The following ARHGAP23 variants were observed in gnomAD, a reference collection of about 807,000 sequenced individuals.
The protein encoded by ARHGAP23 is rho GTPase-activating protein 23.
In ARHGAP23, 34 loss-of-function variants were observed where a neutral mutation model predicts 136.3. That is an observed-to-expected ratio of 0.25 (90% CI 0.19 to 0.33). The LOEUF (loss-of-function observed/expected upper bound fraction) is 0.33. Among genes scored for constraint, ARHGAP23 ranks in the 10% least tolerant of loss-of-function variants. ARHGAP23 has a pLI of 1.00. For synonymous variants in ARHGAP23, 832 were observed against 920.5 expected (o/e 0.90, Z 1.74); for missense variants, 1,808 against 2,139.0 (o/e 0.85, Z 3.05).
At chr17:38,461,547 G>T (rs1009159488) in intron 3 of ARHGAP23, among the ~76,000 whole-genome samples, 6 of 152,226 alleles carry the variant, frequency 3.9e-5, no homozygotes, top group African/African-American at 1.4e-4. Context: ...GGACACTCCT[G>T]CATCCCCATC....
In ARHGAP23 at chr17:38,482,096, G is replaced by A; in HGVS notation, c.2704G>A (p.Ala902Thr). Residue 902 changes from alanine to threonine, a missense_variant, in exon 15 of 24, where the codon GCG (alanine) becomes ACG (threonine). Transcript: ENST00000622683. ...IKKNKKAAPR[A>T]FGVRLEECQP... ...GAAAAATAAGAAGGCCGCTCCGAGGGCGTTTGGGGTCAGGCTGGAGGAGTG... is the reference window on the plus strand; with the variant it reads ...GAAAAATAAGAAGGCCGCTCCGAGGACGTTTGGGGTCAGGCTGGAGGAGTG... The A allele has an allele frequency of 6.5e-7, 1 of 1,550,334 alleles. No homozygotes were observed.
chr17:38,482,573 G>T lies in ARHGAP23; in HGVS notation c.2802G>T (p.Gly934=). ...GCTGTCGCATTGTGGAGGCACGAGG[G>T]CTGGAGTCCACAGGCATTTACCGAG... ...AACCRIVEAR[G]LESTGIYRVP... Residue 934 remains glycine (G), a synonymous_variant, in exon 16 of 24, where the codon GGG becomes GGT. Transcript: ENST00000622683. 1 of 1,550,186 alleles carries T rather than the reference G, an allele frequency of 6.5e-7. No homozygotes were observed. Among genetic ancestry groups the T allele is most frequent in the Middle Eastern group, 1.8e-4 (1 of 5,562 alleles).
At chr17:38,472,778 G>A (rs994784417) in intron 11 of ARHGAP23, among the ~76,000 whole-genome samples, 6 of 152,308 alleles carry the variant, frequency 3.9e-5, no homozygotes, top group African/African-American at 1.4e-4. Flanking sequence ...CTGAGAGCCT[G>A]GGTGACTCAC....
At chr17:38,505,599 A>C (rs1283557864) in intron 23 of ARHGAP23, among the ~76,000 whole-genome samples, 2 of 152,174 alleles carry the variant, frequency 1.3e-5, no homozygotes, top group Non-Finnish European at 2.9e-5. Flanking sequence ...CAGATATTGG[A>C]ATGCAGGGAT....
intron 1 of ARHGAP23, among the ~76,000 whole-genome samples, chr17:38,452,158 C>G (rs1050043500): frequency 3.3e-5 from 5 of 152,080 alleles, no homozygotes; most frequent in Admixed American, 3.3e-4. Flanking sequence ...CTCCCTTCCC[C>G]CTCCCCTCCC....
At chr17:38,479,612 C>T in intron 13 of ARHGAP23, 115 bp downstream of exon 13, 2 of 1,415,080 alleles carry the variant, frequency 1.4e-6, no homozygotes, top group East Asian at 2.5e-5. Flanking sequence ...GAAGGGGTAT[C>T]CAGGGTCTCC....
chr17:38,497,888 G>A, intron 21 of ARHGAP23, 62 bp downstream of exon 21: 1 of 1,521,380 alleles, frequency 6.6e-7, no homozygotes, highest in Non-Finnish European at 8.9e-7. Context: ...CCAGTCCTTG[G>A]GGGTGGGGCA....
intron 23 of ARHGAP23, among the ~76,000 whole-genome samples, chr17:38,501,780 A>G (rs1330166866): frequency 6.6e-6 from 1 of 152,002 alleles, no homozygotes; most frequent in Non-Finnish European, 1.5e-5. Flanking sequence ...AAATCCCCCA[A>G]CAATGAAAAC....
At chr17:38,426,550 C>CAAAAAAAAAAAAAAAAAAAAAAA (rs751365956), upstream of ARHGAP23, among the ~76,000 whole-genome samples, 70 of 51,176 alleles carry the variant, frequency 1.4e-3, 6 homozygotes, top group East Asian at 2.9e-3. Flanking sequence ...AACTCCATCT[C>CAAAAAAAAAAAAAAAAAAAAAAA]AAAAAAAAAA....
chr17:38,471,937 T>G lies in ARHGAP23; in HGVS notation c.2049T>G (p.Asp683Glu), dbSNP rs9894995. The G allele has an allele frequency of 1.7e-4, 268 of 1,549,660 alleles. No homozygotes were observed. The African/African-American group carries it at 3.2e-3, about 19-fold the overall frequency. Residue 683 changes from aspartate to glutamate, a missense_variant, in exon 11 of 24, where the codon GAT becomes GAG. Physicochemically the swap from Asp to Glu is conservative, Grantham distance 45. This residue lies in a region of ARHGAP23 where 139 missense variants were observed against 264.3 expected (regional missense o/e 0.53). Transcript: ENST00000622683. ...GACACTCAACCTCTGACCTCTCAGATGCGACCTTCAGCGATATCAGGAGAG... is the reference window on the plus strand; with the variant it reads ...GACACTCAACCTCTGACCTCTCAGAGGCGACCTTCAGCGATATCAGGAGAG... Reference protein sequence around the residue: ...SKRHSTSDLSDATFSDIRREG... With the variant: ...SKRHSTSDLSEATFSDIRREG...
At chr17:38,433,611 C>T (rs2038730255) in intron 1 of ARHGAP23, among the ~76,000 whole-genome samples, 1 of 152,164 alleles carries the variant, frequency 6.6e-6, no homozygotes, top group Non-Finnish European at 1.5e-5. Flanking sequence ...GGGATCAGCA[C>T]TATATGATAG....
At chr17:38,438,569 A>G (rs1245682828) in intron 1 of ARHGAP23, among the ~76,000 whole-genome samples, 1 of 152,082 alleles carries the variant, frequency 6.6e-6, no homozygotes, top group Non-Finnish European at 1.5e-5. Context: ...TGCCATACTG[A>G]GGAACTTGCT....
At chr17:38,509,739 T>A (rs1352646626) in intron 23 of ARHGAP23, among the ~76,000 whole-genome samples, 1 of 152,068 alleles carries the variant, frequency 6.6e-6, no homozygotes, top group Non-Finnish European at 1.5e-5. Context: ...GCTGAGAGCC[T>A]AGATTTGGGC....
chr17:38,500,125 G>A (rs753859439), intron 22 of ARHGAP23, among the ~76,000 whole-genome samples: 3 of 152,124 alleles, frequency 2.0e-5, no homozygotes, highest in Admixed American at 6.5e-5. Context: ...TTGTGTGCTC[G>A]GGGGTGGATG....
Position 38,510,759 on chromosome 17 carries a change from G to A in ARHGAP23, c.4263G>A (p.Glu1421=). The A allele has an allele frequency of 6.7e-7, 1 of 1,488,732 alleles. No homozygotes were observed. Among genetic ancestry groups the A allele is most frequent in the Non-Finnish European group, 8.9e-7 (1 of 1,122,188 alleles). The allele number at this position is 1,488,732 out of a possible 1,614,324, so 92.2% of individuals were successfully genotyped here. A position where few individuals can be genotyped will look rare whatever the true frequency, so the allele number is the denominator to read the frequency against. The change falls in exon 24 of 24, where the codon GAG becomes GAA. Residue 1421 remains glutamate, a synonymous_variant. Coordinates refer to ENST00000622683, the MANE Select transcript of ARHGAP23 (RefSeq NM_001199417.2). The surrounding 1 kb of genome is among the most constrained non-coding windows in gnomAD (Gnocchi z 4.6). ...QSPLTDLNFN[E]WKELGGGGPP... ...CGCTGACTGACCTCAACTTCAACGAGTGGAAGGAGCTGGGCGGAGGGGGCC... is the reference window on the plus strand; with the variant it reads ...CGCTGACTGACCTCAACTTCAACGAATGGAAGGAGCTGGGCGGAGGGGGCC...
intron 1 of ARHGAP23, among the ~76,000 whole-genome samples, chr17:38,439,631 A>G (rs765120017): frequency 6.6e-6 from 1 of 152,244 alleles, no homozygotes; most frequent in Non-Finnish European, 1.5e-5. Context: ...AATCTGCACA[A>G]CAATCCCATG....
chr17:38,467,921 C>T (rs2039652207), intron 7 of ARHGAP23, among the ~76,000 whole-genome samples: 1 of 152,232 alleles, frequency 6.6e-6, no homozygotes, highest in South Asian at 2.1e-4. Flanking sequence ...TTGTGTCAGG[C>T]CCTGTGCATG....
At chr17:38,466,119 T>C in intron 6 of ARHGAP23, 48 bp from the exon 7 acceptor site, 1 of 1,371,038 alleles carries the variant, frequency 7.3e-7, no homozygotes, top group Non-Finnish European at 9.5e-7. Context: ...TCCCCTACCC[T>C]GTGGGACTTG....
At chr17:38,444,266 C>T (rs2038982060) in intron 1 of ARHGAP23, among the ~76,000 whole-genome samples, 1 of 152,034 alleles carries the variant, frequency 6.6e-6, no homozygotes, top group African/African-American at 2.4e-5. Flanking sequence ...CGAGGCATGC[C>T]AGCGCTGGGC....
Sources: allele counts gnomAD v4.1 joint callset (sites outside exome capture counted in the v4.1 genomes callset), GRCh38; gene constraint gnomAD v4.1.1; regional missense constraint gnomAD v4.1.1; non-coding constraint Gnocchi (gnomAD v3.1); transcripts MANE v1.5; gene names NCBI Gene and HGNC (gene_info 2026-07-23, HGNC 2026-07-21).